The following PROX2 variants were observed in gnomAD, a reference collection of about 807,000 sequenced individuals.
The protein encoded by PROX2 is prospero homeobox protein 2.
PROX2 carries 46 observed loss-of-function variants against 48.9 expected under a neutral mutation model. The ratio of observed to expected loss-of-function variants is 0.94; its 90% confidence interval spans 0.74 to 1.20. The LOEUF (loss-of-function observed/expected upper bound fraction) is 1.20, where lower values mean the gene tolerates loss of function less well. Ranked by LOEUF, PROX2 falls within the 50% of genes most tolerant of loss-of-function variation. The pLI is 0.00. For missense variants in PROX2, 663 were observed against 719.4 expected (o/e 0.92, Z 0.90); for synonymous variants, 260 against 276.6 (o/e 0.94, Z 0.60).
rs200032873 is a variant in PROX2, at chr14:74,858,841, A to ATT, written c.1306-329_1306-328dup. ...TTAGATGTCAAATACAGGTTGGTGT[A>ATT]TTGTGTGTGTGTGTGTGTGTGTGTG... On this transcript the variant is annotated intron_variant, in intron 3 of 5. Transcript: ENST00000556489. 8.5e-3 allele frequency: 1,137 copies of ATT among 133,888 alleles called. 98 individuals carry two copies. The highest frequency in any genetic ancestry group is 0.026 in the South Asian group (249 of 9,694). 8.3% of individuals were successfully genotyped at this position (133,888 alleles called of 1,614,324 possible).
rs1425185698 is a variant in PROX2 at position 74,875,966 on chromosome 14, G to A, written c.-381C>T. ...GGTGGGGCCAACCACTCTAGAAGAC[G>A]GAGCAGCCCACTCTTCACCAGCCCT... On this transcript the variant is annotated 5_prime_UTR_variant, in exon 1 of 6. Coordinates refer to ENST00000556489, the MANE Select transcript of PROX2 (RefSeq NM_001243007.2). Among the ~76,000 whole-genome samples the A allele has an allele frequency of 2.6e-5, 4 of 152,228 alleles. No homozygotes were observed. The highest frequency in any genetic ancestry group is 4.8e-5 in the African/African-American group (2 of 41,462).
intron 2 of PROX2, among the ~76,000 whole-genome samples, chr14:74,866,364 C>T (rs1263722361): frequency 2.0e-5 from 3 of 152,122 alleles, no homozygotes; most frequent in Non-Finnish European, 4.4e-5. Flanking sequence ...CAGCATGTGG[C>T]TGGATGAGGT....
Position 74,854,927 on chromosome 14 carries a change from C to T in PROX2, c.*205G>A, listed in dbSNP as rs549334217. 267 of 383,396 alleles carry T rather than the reference C, an allele frequency of 7.0e-4. No homozygotes were observed. Among genetic ancestry groups the T allele is most frequent in the Non-Finnish European group, 1.1e-3 (239 of 215,532 alleles). 23.7% of individuals were successfully genotyped at this position (383,396 alleles called of 1,614,324 possible). On this transcript the variant is annotated 3_prime_UTR_variant, in exon 6 of 6. Coordinates refer to ENST00000556489, the MANE Select transcript of PROX2 (RefSeq NM_001243007.2). ...CTTTTACAATATACTACCAATACAC[C>T]AATATAGTTAGTACATTTTATAGTT...
chr14:74,862,839 A>T lies in PROX2; in HGVS notation c.996T>A (p.Phe332Leu). The change falls in exon 3 of 6, where the codon TTT becomes TTA. Residue 332 changes from phenylalanine (F) to leucine (L), a missense_variant. Physicochemically the swap from Phe to Leu is conservative, Grantham distance 22 (BLOSUM62 0). Transcript: ENST00000556489. ...PKPCQDPPAN[F>L]PLTAPSHIQE... ...GGATGTGGGAAGGTGCAGTCAAGGG[A>T]AAGTTTGCTGGGGGATCCTGACAGG... is the stretch of plus-strand genomic sequence containing the variant. The T allele has an allele frequency of 6.2e-7, 1 of 1,613,888 alleles. No homozygotes were observed. Among genetic ancestry groups the T allele is most frequent in the Non-Finnish European group, 8.5e-7 (1 of 1,179,840 alleles).
chr14:74,855,263 G>GT lies in PROX2; in HGVS notation c.1647dup (p.Gln550ThrfsTer23). On this transcript the variant is annotated frameshift_variant, in exon 6 of 6. Coordinates refer to ENST00000556489, the MANE Select transcript of PROX2 (RefSeq NM_001243007.2). LOFTEE classifies it high-confidence loss of function. ...GCGGAGACAGCCCTGAAGAACTCCT[G>GT]TAACGTCAAGCTGGCAATTTCCAAG... is the stretch of plus-strand genomic sequence containing the variant. 6.4e-7 allele frequency: 1 copy of GT among 1,566,962 alleles called. No homozygotes were observed. The highest frequency in any genetic ancestry group is 1.3e-5 in the African/African-American group (1 of 74,390).
At chr14:74,868,917 G>A (rs968731518) in intron 2 of PROX2, among the ~76,000 whole-genome samples, 2 of 151,988 alleles carry the variant, frequency 1.3e-5, no homozygotes, top group Non-Finnish European at 2.9e-5. Context: ...TGAATCCCTA[G>A]AGCCACTTAG....
At chr14:74,856,540 A>G (rs2091744235) in intron 5 of PROX2, 2 of 423,254 alleles carry the variant, frequency 4.7e-6, no homozygotes, top group East Asian at 7.1e-5. Context: ...CAGGGTATTC[A>G]GTCTAAGATG....
At chr14:74,870,121 T>C (rs1056140157) in intron 2 of PROX2, among the ~76,000 whole-genome samples, 2 of 151,826 alleles carry the variant, frequency 1.3e-5, no homozygotes, top group African/African-American at 4.8e-5. Context: ...AAATTAGATA[T>C]TAAAAATACA....
At position 74,863,706 on chromosome 14, in the gene PROX2, A is replaced by C. The variant is rs2091820494; in HGVS notation, c.129T>G (p.Ser43Arg). 6.5e-7 allele frequency: 1 copy of C among 1,532,090 alleles called. No individual in the cohort carries two copies. Among genetic ancestry groups the C allele is most frequent in the African/African-American group, 1.4e-5 (1 of 72,028 alleles). The allele number at this position is 1,532,090 out of a possible 1,614,324, so 94.9% of individuals were successfully genotyped here. The change falls in exon 3 of 6, where the codon AGT (serine) becomes AGG (arginine). Residue 43 changes from serine to arginine, a missense_variant. By Grantham distance (110) the Ser-to-Arg change is moderately radical. Transcript: ENST00000556489. ...CTGTAGGGCTGGAGCTGGGGACCTG[A>C]CTCCAGGGAAACGGGGAGTCTCTAT... Reference protein sequence around the residue: ...ELDRDSPFPWSQVPSSSPTDP... With the variant: ...ELDRDSPFPWRQVPSSSPTDP...
At chr14:74,867,102 C>T (rs1883084037) in intron 2 of PROX2, among the ~76,000 whole-genome samples, 1 of 152,144 alleles carries the variant, frequency 6.6e-6, no homozygotes, top group South Asian at 2.1e-4. Context: ...TTTCCATTTT[C>T]CCCATGACAT....
chr14:74,854,271 A>G lies in PROX2; in HGVS notation c.*861T>C, dbSNP rs2091725738. On this transcript the variant is annotated 3_prime_UTR_variant, in exon 6 of 6. Transcript: ENST00000556489. ...TTCCAGCAGACAAATGTGAATAAAC[A>G]GCAACACTCAAGTCCTGCATAAAGT... 2.1e-6 allele frequency: 1 copy of G among 482,516 alleles called. No individual in the cohort carries two copies. The highest frequency in any genetic ancestry group is 4.1e-6 in the Non-Finnish European group (1 of 241,362). The allele number at this position is 482,516 out of a possible 1,614,324, so 29.9% of individuals were successfully genotyped here.
Position 74,858,777 on chromosome 14 carries a change from T to TG in PROX2, c.1306-264_1306-263insC, listed in dbSNP as rs2091768089. On this transcript the variant is annotated intron_variant, in intron 3 of 5. Coordinates refer to ENST00000556489, the MANE Select transcript of PROX2 (RefSeq NM_001243007.2). ...TGATGTCAAATACAGGTTGGTGTATTTTGTGTGTGTGTGTGTGTGTGTGTG... is the reference window on the plus strand; with the variant it reads ...TGATGTCAAATACAGGTTGGTGTATTGTTGTGTGTGTGTGTGTGTGTGTGTG... The TG allele has an allele frequency of 1.9e-4, 67 of 361,456 alleles. 2 individuals carry two copies. Among genetic ancestry groups the TG allele is most frequent in the South Asian group, 1.3e-3 (46 of 36,598 alleles). The allele number at this position is 361,456 out of a possible 1,614,324, so 22.4% of individuals were successfully genotyped here.
rs115425797 is a variant in PROX2 at position 74,874,228 on chromosome 14, G to A, written c.-310+1667C>T. 1.7e-3 allele frequency: 683 copies of A among 394,018 alleles called. 2 individuals carry two copies. Among genetic ancestry groups the A allele is most frequent in the African/African-American group, 0.014 (649 of 46,812 alleles). 24.4% of individuals were successfully genotyped at this position (394,018 alleles called of 1,614,324 possible). A position where few individuals can be genotyped will look rare whatever the true frequency, so the allele number is the denominator to read the frequency against. On this transcript the variant is annotated intron_variant, in intron 1 of 5. Transcript: ENST00000556489. Reference sequence around the variant, plus strand: ...GATAGATATGATTTCAGAGCTTTGGGATGACCTGCCAGCATCATACAAGTT... The same window carrying A: ...GATAGATATGATTTCAGAGCTTTGGAATGACCTGCCAGCATCATACAAGTT...
chr14:74,857,500 A>C (rs2091753531), intron 4 of PROX2: 1 of 153,682 alleles, frequency 6.5e-6, no homozygotes, highest in Non-Finnish European at 1.4e-5. Flanking sequence ...GAGGGAAAGA[A>C]AAGCTTGAAT....
Position 74,853,091 on chromosome 14 carries a change from T to C in PROX2, c.*2041A>G, listed in dbSNP as rs1342096339. ...TTTAGCTCAGTGGTTAGAGAACACT[T>C]CCTGGAAAGACTGCAGTACACAAAT... On this transcript the variant is annotated 3_prime_UTR_variant, in exon 6 of 6. Coordinates refer to ENST00000556489, the MANE Select transcript of PROX2 (RefSeq NM_001243007.2). 6.6e-6 allele frequency: 1 copy of C among 152,202 alleles called. No individual in the cohort carries two copies. Among genetic ancestry groups the C allele is most frequent in the African/African-American group, 2.4e-5 (1 of 41,440 alleles). 9.4% of individuals were successfully genotyped at this position (152,202 alleles called of 1,614,324 possible). A position where few individuals can be genotyped will look rare whatever the true frequency, so the allele number is the denominator to read the frequency against.
chr14:74,868,697 C>T (rs1203040507), intron 2 of PROX2, among the ~76,000 whole-genome samples: 1 of 151,822 alleles, frequency 6.6e-6, no homozygotes, highest in African/African-American at 2.4e-5. Flanking sequence ...ATTAGCTGGG[C>T]ATGGTGGCGG....
intron 2 of PROX2, among the ~76,000 whole-genome samples, chr14:74,870,439 A>ATACACACACACACACAC (rs1555371979): frequency 8.6e-3 from 256 of 29,898 alleles, no homozygotes; most frequent in African/African-American, 0.051. Context: ...AAAAAAAAAA[A>ATACACACACACACACAC]ATACACACAC....
intron 3 of PROX2, chr14:74,858,757 T>C: frequency 2.3e-6 from 1 of 437,998 alleles, no homozygotes. Context: ...ATAGATGATG[T>C]CAAATACAGG....
chr14:74,857,581 A>G (rs767749336), intron 4 of PROX2: 5 of 152,674 alleles, frequency 3.3e-5, no homozygotes, highest in Admixed American at 1.3e-4. Context: ...GAAACCTTTT[A>G]TGGGAACAGG....
Sources: gnomAD v4.1 joint callset for allele counts (sites outside exome capture counted in the v4.1 genomes callset) on GRCh38, gnomAD v4.1.1 for gene constraint, MANE v1.5 for transcripts, NCBI Gene and HGNC (gene_info 2026-07-23, HGNC 2026-07-21) for gene names.